Variants in PDE4B observed in about 807,000 individuals in gnomAD.
PDE4B encodes phosphodiesterase 4B, also known as 3',5'-cyclic-AMP phosphodiesterase 4B.
In PDE4B, 20 loss-of-function variants were observed where a neutral mutation model predicts 82.2. The ratio of observed to expected loss-of-function variants is 0.24; its 90% CI spans 0.17 to 0.35. PDE4B has a LOEUF of 0.35. Among genes scored for constraint, PDE4B ranks in the 10% least tolerant of loss-of-function variants. The pLI, the probability that PDE4B is intolerant of heterozygous loss-of-function variation, is 1.00. For missense variants in PDE4B, 655 were observed against 907.2 expected (o/e 0.72, Z 3.57); for synonymous variants, 320 against 318.9 (o/e 1.00, Z -0.04).
intron 3 of PDE4B, among the ~76,000 whole-genome samples, chr1:66,109,584 G>A (rs1003040393): frequency 6.6e-6 from 1 of 151,830 alleles, no homozygotes; most frequent in Non-Finnish European, 1.5e-5. Flanking sequence ...ATATATGACA[G>A]CATTAGATAA....
At chr1:65,831,913 T>C (rs978003732) in intron 1 of PDE4B, among the ~76,000 whole-genome samples, 1 of 152,216 alleles carries the variant, frequency 6.6e-6, no homozygotes, top group African/African-American at 2.4e-5. Context: ...ATTTACTGTA[T>C]GTTAGAACAT....
intron 3 of PDE4B, among the ~76,000 whole-genome samples, chr1:66,234,596 AT>A (rs575446195): frequency 1.3e-5 from 2 of 151,796 alleles, no homozygotes; most frequent in Admixed American, 6.6e-5. Context: ...GCCTGGTATA[AT>A]TTTTTTTATG....
At chr1:66,213,524 G>C (rs959966556) in intron 3 of PDE4B, among the ~76,000 whole-genome samples, 1 of 152,038 alleles carries the variant, frequency 6.6e-6, no homozygotes, top group Non-Finnish European at 1.5e-5. Context: ...CTGCAAAATC[G>C]TAGGCTACAT....
chr1:66,280,493 G>A (rs184369371), intron 7 of PDE4B, among the ~76,000 whole-genome samples: 55 of 152,322 alleles, frequency 3.6e-4, no homozygotes, highest in Admixed American at 3.3e-3. Context: ...TCTCAGGGGA[G>A]GTAGGAGTGA....
At chr1:65,802,646 C>T (rs1422642256) in intron 1 of PDE4B, among the ~76,000 whole-genome samples, 1 of 152,122 alleles carries the variant, frequency 6.6e-6, no homozygotes, top group East Asian at 1.9e-4. Context: ...ATTGTCATTG[C>T]ATATGAAAAT....
intron 3 of PDE4B, among the ~76,000 whole-genome samples, chr1:65,970,143 C>T (rs1650053270): frequency 6.6e-6 from 1 of 151,544 alleles, no homozygotes; most frequent in South Asian, 2.1e-4. Flanking sequence ...ATGTAGCAGG[C>T]ATTCAAACTG....
chr1:66,368,936 T>C lies in PDE4B; in HGVS notation c.1812T>C (p.Cys604=), dbSNP rs558096624. 1 of 1,611,458 alleles carries C rather than the reference T, an allele frequency of 6.2e-7. No individual in the cohort carries two copies. Among genetic ancestry groups the C allele is most frequent in the South Asian group, 1.1e-5 (1 of 90,486 alleles). Residue 604 remains cysteine (C), a synonymous_variant, in exon 16 of 17, where the codon TGT becomes TGC. Transcript: ENST00000341517. ...GGGGAATGGAAATTAGCCCAATGTGTGATAAACACACAGCTTCTGTGGAAA... is the reference window on the plus strand; with the variant it reads ...GGGGAATGGAAATTAGCCCAATGTGCGATAAACACACAGCTTCTGTGGAAA... ...RERGMEISPM[C]DKHTASVEKS...
chr1:66,323,360 T>A (rs1266776498), intron 7 of PDE4B, among the ~76,000 whole-genome samples: 2 of 152,158 alleles, frequency 1.3e-5, no homozygotes, highest in African/African-American at 4.8e-5. Flanking sequence ...AGATTTTGGG[T>A]CCCTGGTTAT....
chr1:66,280,753 G>A (rs537423945), intron 7 of PDE4B, among the ~76,000 whole-genome samples: 6 of 152,184 alleles, frequency 3.9e-5, no homozygotes, highest in East Asian at 1.9e-4. Context: ...CCACAATGCC[G>A]AAGTTCTGAT....
In PDE4B at chr1:66,307,481, T is replaced by G. The variant is rs543175640; in HGVS notation, c.635-25027T>G. Reference sequence around the variant, plus strand: ...CCACAGCACAAAGTGGTGAAGTGGATGGAATTCAAATTGACCTTTATCTCA... The same window carrying G: ...CCACAGCACAAAGTGGTGAAGTGGAGGGAATTCAAATTGACCTTTATCTCA... On this transcript the variant is annotated intron_variant, in intron 7 of 16. Coordinates refer to ENST00000341517, the MANE Select transcript of PDE4B (RefSeq NM_002600.4). Among the ~76,000 whole-genome samples, 156 of 152,182 alleles carry G rather than the reference T, an allele frequency of 1.0e-3. 1 individual carries two copies. The highest frequency in any genetic ancestry group is 3.6e-3 in the African/African-American group (150 of 41,538).
At chr1:66,105,355 G>A (rs1414091100) in intron 3 of PDE4B, among the ~76,000 whole-genome samples, 2 of 151,786 alleles carry the variant, frequency 1.3e-5, no homozygotes, top group East Asian at 1.9e-4. Flanking sequence ...TTGTAGTATA[G>A]TTTGAAGTCA....
intron 1 of PDE4B, among the ~76,000 whole-genome samples, chr1:65,900,399 T>G (rs1407824912): frequency 1.3e-5 from 2 of 152,086 alleles, no homozygotes; most frequent in Non-Finnish European, 2.9e-5. Context: ...CTATGATACC[T>G]CCAGCTTTGT....
At chr1:65,901,409 T>C (rs1157493957) in intron 1 of PDE4B, among the ~76,000 whole-genome samples, 1 of 152,130 alleles carries the variant, frequency 6.6e-6, no homozygotes, top group East Asian at 1.9e-4. Flanking sequence ...TTCTGTAGTT[T>C]TATTGTTGTG....
chr1:65,909,265 A>G (rs1415451255), intron 1 of PDE4B, among the ~76,000 whole-genome samples: 2 of 152,196 alleles, frequency 1.3e-5, no homozygotes, highest in Non-Finnish European at 2.9e-5. Context: ...GAAAAAAAGT[A>G]GTATTTTTAA....
chr1:66,200,227 C>T (rs1310876101), intron 3 of PDE4B, among the ~76,000 whole-genome samples: 3 of 152,114 alleles, frequency 2.0e-5, no homozygotes, highest in Non-Finnish European at 4.4e-5. Context: ...GTAGCAGTAC[C>T]ATGCTGTTTT....
chr1:66,354,575 GC>G (rs1008683486), intron 8 of PDE4B: 81 of 1,272,816 alleles, frequency 6.4e-5, no homozygotes, highest in Non-Finnish European at 7.5e-5. Flanking sequence ...ATTTGGACAG[GC>G]TCTTGCTCCT....
chr1:66,335,881 G>A (rs995798636), intron 8 of PDE4B, among the ~76,000 whole-genome samples: 1 of 152,162 alleles, frequency 6.6e-6, no homozygotes, highest in African/African-American at 2.4e-5. Context: ...CATTAATTTT[G>A]TGTTTCAATT....
chr1:66,156,297 C>T lies in PDE4B; in HGVS notation c.282-91163C>T, dbSNP rs558481716. ...TATTATTGTGGCTAACAAAGCAACT[C>T]TTATAAGTTGCACACAAACAAGAAG... On this transcript the variant is annotated intron_variant, in intron 3 of 16. Transcript: ENST00000341517. 1.8e-4 allele frequency among the ~76,000 whole-genome samples: 28 copies of T among 152,170 alleles called. 1 individual carries two copies. The East Asian group carries it at 5.2e-3, about 28-fold the overall frequency.
chr1:66,164,707 C>T (rs1646690455), intron 3 of PDE4B, among the ~76,000 whole-genome samples: 2 of 150,730 alleles, frequency 1.3e-5, no homozygotes, highest in Admixed American at 6.6e-5. Context: ...TTACTTTGAG[C>T]ACGCTCTGTC....
Sources: allele counts gnomAD v4.1 joint callset (sites outside exome capture counted in the v4.1 genomes callset), GRCh38; gene constraint gnomAD v4.1.1; transcripts MANE v1.5; gene names NCBI Gene and HGNC (gene_info 2026-07-23, HGNC 2026-07-21).